Variants in PDE4D observed in about 807,000 individuals in gnomAD.
PDE4D encodes the protein 3',5'-cyclic-AMP phosphodiesterase 4D.
Under a neutral mutation model 87.4 loss-of-function variants are expected in PDE4D, and 24 were observed. The observed-to-expected ratio is 0.27, with a 90% CI of 0.20 to 0.39. The LOEUF is 0.39. PDE4D is among the 10% of genes least tolerant of loss of function. The pLI is 1.00. For missense variants in PDE4D, 714 were observed against 1,041.0 expected (o/e 0.69, Z 4.32); for synonymous variants, 384 against 383.2 (o/e 1.00, Z -0.02).
chr5:59,532,443 C>G (rs1010653205), intron 1 of PDE4D, among the ~76,000 whole-genome samples: 1 of 152,084 alleles, frequency 6.6e-6, no homozygotes, highest in African/African-American at 2.4e-5. Flanking sequence ...TGGCTAGCCT[C>G]TACTAGATGT....
chr5:60,415,675 C>CG (rs912640314), intron 1 of PDE4D, among the ~76,000 whole-genome samples: 1 of 152,244 alleles, frequency 6.6e-6, no homozygotes, highest in African/African-American at 2.4e-5. Context: ...ACCTGCAGTG[C>CG]GGCCACGCCT....
intron 1 of PDE4D, among the ~76,000 whole-genome samples, chr5:60,481,734 G>T (rs1423471): frequency 0.13 from 20,440 of 152,058 alleles, 2,666 homozygotes; most frequent in African/African-American, 0.33. Flanking sequence ...GGTAAAGAGA[G>T]AAAAATATCC....
intron 1 of PDE4D, among the ~76,000 whole-genome samples, chr5:59,580,768 C>T (rs1823975629): frequency 6.6e-6 from 1 of 152,244 alleles, no homozygotes; most frequent in Non-Finnish European, 1.5e-5. Flanking sequence ...TAAATATCTG[C>T]TGTAATAGTT....
chr5:59,100,520 A>C (rs1770557584), intron 5 of PDE4D, among the ~76,000 whole-genome samples: 1 of 152,154 alleles, frequency 6.6e-6, no homozygotes, highest in Non-Finnish European at 1.5e-5. Context: ...AAACTTGAAC[A>C]TTACTCTACA....
chr5:59,504,874 T>C (rs1481958729), intron 1 of PDE4D, among the ~76,000 whole-genome samples: 1 of 151,592 alleles, frequency 6.6e-6, no homozygotes, highest in African/African-American at 2.4e-5. Flanking sequence ...AAGTAATACA[T>C]ACTTTCATAC....
At chr5:59,770,549 A>G (rs1763334807) in intron 1 of PDE4D, among the ~76,000 whole-genome samples, 1 of 152,206 alleles carries the variant, frequency 6.6e-6, no homozygotes, top group African/African-American at 2.4e-5. Context: ...AACAAATGCA[A>G]TTAAAAATGT....
At chr5:60,013,874 CA>C (rs11325741) in intron 2 of PDE4D, among the ~76,000 whole-genome samples, 39,802 of 151,706 alleles carry the variant, frequency 0.26, 5,709 homozygotes, top group Admixed American at 0.35. Context: ...AAAATCTGAC[CA>C]GCCTGCAAGA....
rs182029606 is a variant in PDE4D at position 58,974,859 on chromosome 5, C to T, written c.2235G>A (p.Glu745=). Reference sequence around the variant, plus strand: ...TGCCACTGTCCTTTTCCGTGTCTGACTCACCATCTTCCTCTAAAGTTAGTT... The same window carrying T: ...TGCCACTGTCCTTTTCCGTGTCTGATTCACCATCTTCCTCTAAAGTTAGTT... ...QFELTLEEDG[E]SDTEKDSGSQ... The change falls in exon 15 of 15, where the codon GAG becomes GAA. Residue 745 remains glutamate, a synonymous_variant. Coordinates refer to ENST00000340635, the MANE Select transcript of PDE4D (RefSeq NM_001104631.2). 1 of 1,612,802 alleles carries T rather than the reference C, an allele frequency of 6.2e-7. No homozygotes were observed. The highest frequency in any genetic ancestry group is 1.7e-5 in the Admixed American group (1 of 59,938).
intron 1 of PDE4D, among the ~76,000 whole-genome samples, chr5:59,465,196 A>G (rs1801393960): frequency 6.6e-6 from 1 of 152,136 alleles, no homozygotes; most frequent in African/African-American, 2.4e-5. Flanking sequence ...TCCCTTGGTA[A>G]ACCGTACTGT....
chr5:59,770,979 A>G (rs996206225), intron 1 of PDE4D, among the ~76,000 whole-genome samples: 2 of 151,934 alleles, frequency 1.3e-5, no homozygotes, highest in African/African-American at 2.4e-5. Context: ...AAAACATTAA[A>G]AAATAGCTGA....
chr5:60,200,724 G>T (rs1741800202), intron 1 of PDE4D, among the ~76,000 whole-genome samples: 1 of 152,150 alleles, frequency 6.6e-6, no homozygotes, highest in Admixed American at 6.5e-5. Flanking sequence ...AACTCATGGA[G>T]AAATGCCATC....
rs539022369 is a variant in PDE4D, at chr5:60,191,476, C to A, written c.-89-5789G>T. On this transcript the variant is annotated intron_variant, in intron 1 of 16. Coordinates refer to the PDE4D transcript ENST00000502484. ...CCTCCTGTGTTCATTCTCCTTCCTG[C>A]CTCCTTGTGAAGAAGGTGTCTTGCT... Among the ~76,000 whole-genome samples, 4 of 152,216 alleles carry A rather than the reference C, an allele frequency of 2.6e-5. No homozygotes were observed. In the South Asian group the frequency reaches 8.3e-4, roughly 32 times the overall value.
At chr5:59,407,212 G>A (rs756332216) in intron 1 of PDE4D, among the ~76,000 whole-genome samples, 119 of 152,118 alleles carry the variant, frequency 7.8e-4, no homozygotes, top group Non-Finnish European at 4.6e-4. Flanking sequence ...TTGTTTAAAG[G>A]TGTGTAACAC....
chr5:59,343,771 A>C (rs1301549203), intron 1 of PDE4D, among the ~76,000 whole-genome samples: 1 of 152,164 alleles, frequency 6.6e-6, no homozygotes, highest in East Asian at 1.9e-4. Flanking sequence ...GCTTAAAAGG[A>C]TATTGTAATA....
chr5:59,002,752 A>T (rs1480900944), intron 6 of PDE4D, among the ~76,000 whole-genome samples: 1 of 152,228 alleles, frequency 6.6e-6, no homozygotes, highest in Admixed American at 6.5e-5. Context: ...AAGAATGTCT[A>T]GCCAAGACCA....
chr5:60,429,989 C>T, intron 1 of PDE4D: 1 of 520,086 alleles, frequency 1.9e-6, no homozygotes, highest in Admixed American at 1.9e-5. Flanking sequence ...TTTGGTAAAT[C>T]TTTATCTTCA....
At chr5:59,002,115 G>A (rs758610278) in intron 6 of PDE4D, 2 of 503,786 alleles carry the variant, frequency 4.0e-6, no homozygotes, top group South Asian at 2.9e-5. Flanking sequence ...GAGAGAAATA[G>A]AAAGTAACTT....
At chr5:60,320,385 CT>C (rs1756129345) in intron 1 of PDE4D, among the ~76,000 whole-genome samples, 1 of 152,204 alleles carries the variant, frequency 6.6e-6, no homozygotes, top group Admixed American at 6.5e-5. Flanking sequence ...TCTGTCACCC[CT>C]TTCTTTGACT....
chr5:59,968,504 C>G (rs1009898650), intron 3 of PDE4D, among the ~76,000 whole-genome samples: 1 of 151,960 alleles, frequency 6.6e-6, no homozygotes, highest in Non-Finnish European at 1.5e-5. Context: ...ATGGGATATA[C>G]CATACCTAAG....
Sources: allele counts gnomAD v4.1 joint callset (sites outside exome capture counted in the v4.1 genomes callset), GRCh38; gene constraint gnomAD v4.1.1; transcripts MANE v1.5; gene names NCBI Gene and HGNC (gene_info 2026-07-23, HGNC 2026-07-21).